C12orf42: variants seen among roughly 807,000 people sequenced by gnomAD.
C12orf42 encodes uncharacterized protein C12orf42.
In C12orf42, 25 loss-of-function variants were observed where a neutral mutation model predicts 21.6. That is an observed-to-expected ratio of 1.16 (90% CI 0.84 to 1.62). The LOEUF (loss-of-function observed/expected upper bound fraction) is 1.62, where lower values mean the gene tolerates loss of function less well. Among genes scored for constraint, C12orf42 ranks in the 40% most tolerant of loss-of-function variants. The pLI, the probability that C12orf42 is intolerant of heterozygous loss-of-function variation, is 0.00. For synonymous variants in C12orf42, 174 were observed against 175.0 expected, an observed-to-expected ratio of 0.99 and a Z score of 0.05; for missense variants, 483 against 459.3, an observed-to-expected ratio of 1.05 and a Z score of -0.47.
the C12orf42 span, among the ~76,000 whole-genome samples, chr12:103,561,603 A>G: frequency 3.1e-3 from 479 of 152,266 alleles, 1 homozygote; most frequent in African/African-American, 0.011. Flanking sequence ...CCATCCCATC[A>G]AGGGTTAGGA....
At chr12:103,535,156 T>G in the C12orf42 span, among the ~76,000 whole-genome samples, 1 of 152,176 alleles carries the variant, frequency 6.6e-6, no homozygotes, top group Non-Finnish European at 1.5e-5. Context: ...TGGAGTAATC[T>G]TCCCAGAAAG....
At chr12:103,225,460 A>G in the C12orf42 span, among the ~76,000 whole-genome samples, 1 of 152,092 alleles carries the variant, frequency 6.6e-6, no homozygotes, top group Non-Finnish European at 1.5e-5. Flanking sequence ...AGGTTTTAAT[A>G]AGATGGTAAG....
chr12:103,118,730 A>T, the C12orf42 span, among the ~76,000 whole-genome samples: 1 of 134,536 alleles, frequency 7.4e-6, no homozygotes, highest in Non-Finnish European at 1.5e-5. Flanking sequence ...CCCGGAAGGC[A>T]GAGCTTGCAG....
chr12:103,133,552 C>T, the C12orf42 span, among the ~76,000 whole-genome samples: 1 of 152,196 alleles, frequency 6.6e-6, no homozygotes, highest in Non-Finnish European at 1.5e-5. Context: ...CATTAACAAC[C>T]ATACCCCAAG....
At chr12:103,438,455 G>C (rs1479156282) in intron 2 of C12orf42, among the ~76,000 whole-genome samples, 1 of 151,940 alleles carries the variant, frequency 6.6e-6, no homozygotes, top group Non-Finnish European at 1.5e-5. Context: ...TAGGAAAAGA[G>C]GAAGTCAAAT....
the C12orf42 span, among the ~76,000 whole-genome samples, chr12:103,120,164 A>C: frequency 6.6e-6 from 1 of 152,250 alleles, no homozygotes; most frequent in African/African-American, 2.4e-5. Context: ...GATATGAATA[A>C]GACAAGGTCC....
chr12:103,294,454 GA>G (rs1233144176), intron 4 of C12orf42, among the ~76,000 whole-genome samples: 1 of 112,062 alleles, frequency 8.9e-6, no homozygotes, highest in African/African-American at 4.0e-5. Context: ...AAGAAAGAAA[GA>G]AAGAAAGAAA....
chr12:103,160,943 A>G, the C12orf42 span, among the ~76,000 whole-genome samples: 2 of 152,232 alleles, frequency 1.3e-5, no homozygotes, highest in African/African-American at 4.8e-5. Flanking sequence ...CAGTTTCCTC[A>G]GCTGCGGAAA....
the C12orf42 span, among the ~76,000 whole-genome samples, chr12:103,113,854 A>C: frequency 6.6e-6 from 1 of 152,224 alleles, no homozygotes; most frequent in Non-Finnish European, 1.5e-5. Context: ...GTTACCTAGG[A>C]TTCAGGGCAT....
intron 3 of C12orf42, among the ~76,000 whole-genome samples, chr12:103,386,906 G>A (rs371718208): frequency 1.2e-4 from 18 of 152,144 alleles, no homozygotes; most frequent in Admixed American, 1.3e-4. Flanking sequence ...CCACCTCCAA[G>A]AAGTTAGCAT....
chr12:103,286,206 G>A (rs1315978550), intron 4 of C12orf42, among the ~76,000 whole-genome samples: 1 of 151,648 alleles, frequency 6.6e-6, no homozygotes, highest in African/African-American at 2.4e-5. Flanking sequence ...AGCCGAGATT[G>A]CACCACTGCA....
chr12:103,465,654 G>C (rs1175120488), intron 2 of C12orf42, among the ~76,000 whole-genome samples: 2 of 152,192 alleles, frequency 1.3e-5, no homozygotes, highest in African/African-American at 4.8e-5. Flanking sequence ...AGAGTGGTGA[G>C]AGAGGGCATC....
the C12orf42 span, among the ~76,000 whole-genome samples, chr12:103,213,055 A>G: frequency 6.6e-6 from 1 of 152,156 alleles, no homozygotes; most frequent in Non-Finnish European, 1.5e-5. Flanking sequence ...CAAACTTTGG[A>G]TGTTTTTACC....
chr12:103,312,513 T>C (rs2039065997), intron 4 of C12orf42, among the ~76,000 whole-genome samples: 1 of 152,202 alleles, frequency 6.6e-6, no homozygotes, highest in Non-Finnish European at 1.5e-5. Flanking sequence ...TTCCAATGAA[T>C]AAAATGAGCA....
chr12:103,055,246 A>G, the C12orf42 span, among the ~76,000 whole-genome samples: 15 of 151,922 alleles, frequency 9.9e-5, no homozygotes, highest in Admixed American at 9.2e-4. Flanking sequence ...AGTTGTCTTA[A>G]TAATTATAGG....
chr12:103,345,250 T>C (rs1435140764), intron 4 of C12orf42, among the ~76,000 whole-genome samples: 3 of 152,220 alleles, frequency 2.0e-5, no homozygotes, highest in Non-Finnish European at 4.4e-5. Flanking sequence ...CTGGGAATTA[T>C]TCACCTCTCT....
At chr12:103,547,474 T>C in the C12orf42 span, among the ~76,000 whole-genome samples, 1 of 152,250 alleles carries the variant, frequency 6.6e-6, no homozygotes, top group Admixed American at 6.5e-5. Context: ...ATGTCTTACA[T>C]GGAAATTCCA....
At chr12:103,513,730 T>C in the C12orf42 span, among the ~76,000 whole-genome samples, 1 of 152,148 alleles carries the variant, frequency 6.6e-6, no homozygotes, top group Non-Finnish European at 1.5e-5. Context: ...ATTCAATCCT[T>C]CAACAAGTGT....
At chr12:103,314,701 A>G (rs753305185) in intron 4 of C12orf42, among the ~76,000 whole-genome samples, 9 of 152,178 alleles carry the variant, frequency 5.9e-5, no homozygotes, top group Non-Finnish European at 1.2e-4. Context: ...GGAATTCTTC[A>G]TAACAAAAGC....
Sources: gnomAD v4.1 joint callset for allele counts (sites outside exome capture counted in the v4.1 genomes callset) on GRCh38, gnomAD v4.1.1 for gene constraint, MANE v1.5 for transcripts, NCBI Gene and HGNC (gene_info 2026-07-23, HGNC 2026-07-21) for gene names.